Variants in GFRA2 observed in about 807,000 individuals in gnomAD.
GFRA2 encodes GDNF family receptor alpha-2.
GFRA2 carries 17 observed loss-of-function variants against 48.3 expected under a neutral mutation model. The ratio of observed to expected loss-of-function variants is 0.35; its 90% CI spans 0.24 to 0.53. The LOEUF is 0.53. Among genes scored for constraint, GFRA2 ranks in the 20% least tolerant of loss-of-function variants. GFRA2 has a pLI of 0.93. For synonymous variants in GFRA2, 305 were observed against 257.2 expected, an observed-to-expected ratio of 1.19 and a Z score of -1.78; for missense variants, 660 against 637.3, an observed-to-expected ratio of 1.04 and a Z score of -0.38.
At chr8:21,708,037 A>C (rs1802835356) in intron 4 of GFRA2, among the ~76,000 whole-genome samples, 1 of 152,248 alleles carries the variant, frequency 6.6e-6, no homozygotes, top group Non-Finnish European at 1.5e-5. Flanking sequence ...GTCACTGAGT[A>C]GCAGAGCCAA....
intron 4 of GFRA2, among the ~76,000 whole-genome samples, chr8:21,749,777 A>T (rs1805188021): frequency 1.3e-5 from 2 of 151,394 alleles, no homozygotes. Context: ...CCTAGCTTTG[A>T]ATCCTGTCTT....
At chr8:21,732,658 C>T (rs569155216) in intron 4 of GFRA2, among the ~76,000 whole-genome samples, 7 of 152,340 alleles carry the variant, frequency 4.6e-5, no homozygotes, top group Non-Finnish European at 8.8e-5. Context: ...TCCTGCAGGC[C>T]ACAGACAGGG....
At chr8:21,765,788 T>C (rs1806122304) in intron 3 of GFRA2, among the ~76,000 whole-genome samples, 1 of 108,560 alleles carries the variant, frequency 9.2e-6, no homozygotes, top group South Asian at 3.7e-4. Context: ...CCTCCTCTCA[T>C]CTTCTCCTTC....
intron 2 of GFRA2, 94 bp downstream of exon 2, chr8:21,782,491 C>T: frequency 1.0e-6 from 1 of 963,166 alleles, no homozygotes; most frequent in Non-Finnish European, 1.5e-6. Flanking sequence ...TTTGCGCCAC[C>T]ACCTAGTCCT....
intron 4 of GFRA2, among the ~76,000 whole-genome samples, chr8:21,731,525 A>C (rs1185686486): frequency 3.9e-5 from 6 of 152,160 alleles, no homozygotes; most frequent in Non-Finnish European, 8.8e-5. Context: ...GCACATTTGT[A>C]GGTCACTCAT....
intron 4 of GFRA2, among the ~76,000 whole-genome samples, chr8:21,736,853 T>C (rs964330679): frequency 2.0e-5 from 3 of 146,996 alleles, no homozygotes; most frequent in South Asian, 4.3e-4. Flanking sequence ...GTAAAGTGAA[T>C]TTCATTTTGA....
chr8:21,725,866 G>T (rs960149360), intron 4 of GFRA2, among the ~76,000 whole-genome samples: 13 of 152,208 alleles, frequency 8.5e-5, no homozygotes, highest in Non-Finnish European at 1.5e-4. Flanking sequence ...TCACCCGCTG[G>T]GGTTGGGTGT....
At chr8:21,717,238 G>C (rs922644493) in intron 4 of GFRA2, among the ~76,000 whole-genome samples, 1 of 152,148 alleles carries the variant, frequency 6.6e-6, no homozygotes, top group African/African-American at 2.4e-5. Flanking sequence ...GACAGAACTG[G>C]CCTTGGATTA....
chr8:21,759,848 C>G (rs1226853044), intron 3 of GFRA2, among the ~76,000 whole-genome samples: 2 of 146,386 alleles, frequency 1.4e-5, no homozygotes, highest in African/African-American at 5.1e-5. Flanking sequence ...AGGATCGCAC[C>G]ACTGCACTCC....
At chr8:21,798,820 C>G (rs935590017) in intron 2 of GFRA2, among the ~76,000 whole-genome samples, 5 of 152,318 alleles carry the variant, frequency 3.3e-5, no homozygotes, top group Non-Finnish European at 7.3e-5. Context: ...TAAAAAGGAA[C>G]TTTCCCTTTT....
chr8:21,748,575 A>C (rs954683625), intron 4 of GFRA2, among the ~76,000 whole-genome samples: 2 of 152,154 alleles, frequency 1.3e-5, no homozygotes, highest in African/African-American at 4.8e-5. Flanking sequence ...ACTCAATAAT[A>C]CTGGAAAGAA....
At chr8:21,793,187 C>T (rs1305825874), upstream of GFRA2, among the ~76,000 whole-genome samples, 4 of 152,312 alleles carry the variant, frequency 2.6e-5, no homozygotes, top group East Asian at 1.9e-4. Flanking sequence ...AGAACCAAGC[C>T]TTGCAGTCTT....
At chr8:21,735,537 TC>T in intron 4 of GFRA2, among the ~76,000 whole-genome samples, 1 of 151,558 alleles carries the variant, frequency 6.6e-6, no homozygotes, top group African/African-American at 2.4e-5. Flanking sequence ...GACGAACCCT[TC>T]CCCACCCACT....
At chr8:21,770,575 G>T (rs1806391133) in intron 3 of GFRA2, among the ~76,000 whole-genome samples, 1 of 152,130 alleles carries the variant, frequency 6.6e-6, no homozygotes. Context: ...TTCCCTTCCA[G>T]CTTCAGAAAG....
intron 4 of GFRA2, among the ~76,000 whole-genome samples, chr8:21,715,554 G>T (rs1042380289): frequency 1.3e-5 from 2 of 152,148 alleles, no homozygotes; most frequent in African/African-American, 4.8e-5. Context: ...TGATCCACCT[G>T]CCTTGGCCTC....
In GFRA2 at chr8:21,731,509, A is replaced by G. The variant is rs367673163; in HGVS notation, c.794+19079T>C. ...TTTTTTAATCTAAAAGGGCTCCGGCAAAACAGCACATTTGTAGGTCACTCA... is the reference window on the plus strand; with the variant it reads ...TTTTTTAATCTAAAAGGGCTCCGGCGAAACAGCACATTTGTAGGTCACTCA... On this transcript the variant is annotated intron_variant, in intron 4 of 8. Transcript: ENST00000524240. Among the ~76,000 whole-genome samples, 5 of 152,194 alleles carry G rather than the reference A, an allele frequency of 3.3e-5. No homozygotes were observed. The East Asian group carries it at 9.6e-4, about 29-fold the overall frequency.
intron 4 of GFRA2, among the ~76,000 whole-genome samples, chr8:21,731,169 G>C (rs1361814090): frequency 6.6e-6 from 1 of 152,158 alleles, no homozygotes; most frequent in Non-Finnish European, 1.5e-5. Flanking sequence ...CACGTGGCGA[G>C]GTAGTGACAG....
intron 4 of GFRA2, among the ~76,000 whole-genome samples, chr8:21,745,235 G>A (rs1016652375): frequency 6.6e-6 from 1 of 152,240 alleles, no homozygotes; most frequent in Non-Finnish European, 1.5e-5. Flanking sequence ...GGCTCTGGAA[G>A]AGCTTCCCCC....
In GFRA2 at chr8:21,702,790, G is replaced by A. The variant is rs1432606416; in HGVS notation, c.1218+15C>T. The stretch of plus-strand genomic sequence containing the variant: ...GCCATGGTGCTCCCCCCACGCCTCA[G>A]CCACACACCCTCACCTGGACAGACG... On this transcript the variant is annotated intron_variant, in intron 7 of 8. Transcript: ENST00000524240. 2 of 1,580,610 alleles carry A rather than the reference G, an allele frequency of 1.3e-6. No homozygotes were observed. The highest frequency in any genetic ancestry group is 1.7e-6 in the Non-Finnish European group (2 of 1,165,540).
Sources: gnomAD v4.1 joint callset for allele counts (sites outside exome capture counted in the v4.1 genomes callset) on GRCh38, gnomAD v4.1.1 for gene constraint, MANE v1.5 for transcripts, NCBI Gene and HGNC (gene_info 2026-07-23, HGNC 2026-07-21) for gene names.